The following ITK variants were observed in gnomAD, a reference collection of about 807,000 sequenced individuals.
ITK encodes IL2 inducible T cell kinase.
Under a neutral mutation model 87.6 loss-of-function variants are expected in ITK, and 45 were observed. That is an observed-to-expected ratio of 0.51 (90% CI 0.40 to 0.66). ITK has a LOEUF of 0.66. Among genes scored for constraint, ITK ranks in the 30% least tolerant of loss-of-function variants. ITK has a pLI of 0.00. For synonymous variants in ITK, 303 were observed against 273.6 expected (o/e 1.11, Z -1.06); for missense variants, 605 against 766.3 (o/e 0.79, Z 2.48).
chr5:157,201,252 A>G (rs1339572726), intron 1 of ITK, among the ~76,000 whole-genome samples: 1 of 151,894 alleles, frequency 6.6e-6, no homozygotes, highest in African/African-American at 2.4e-5. Context: ...TAATGGTGAA[A>G]GACTGAGTGC....
At chr5:157,195,783 C>T (rs1753843569) in intron 1 of ITK, 1 of 152,192 alleles carries the variant, frequency 6.6e-6, no homozygotes, top group African/African-American at 2.4e-5. Flanking sequence ...GATTGATCCA[C>T]ACTGATACAC....
At chr5:157,211,441 T>C in intron 3 of ITK, 73 bp downstream of exon 3, 1 of 1,249,952 alleles carries the variant, frequency 8.0e-7, no homozygotes, top group Non-Finnish European at 1.2e-6. Context: ...CACAATAGAA[T>C]AGAGTGTGGT....
intron 1 of ITK, among the ~76,000 whole-genome samples, chr5:157,187,973 A>G (rs1428292184): frequency 1.3e-5 from 2 of 151,928 alleles, no homozygotes; most frequent in South Asian, 4.2e-4. Context: ...CTATTTAAAA[A>G]AAAAATTTAT....
At chr5:157,222,767 A>C in intron 5 of ITK, 96 bp from the exon 6 acceptor site, 1 of 1,181,114 alleles carries the variant, frequency 8.5e-7, no homozygotes, top group East Asian at 2.3e-5. Flanking sequence ...AGTCTACCAG[A>C]GGAAGGCAGA....
chr5:157,233,963 A>ATTTTTT (rs869230073), intron 8 of ITK, among the ~76,000 whole-genome samples: 1 of 22,294 alleles, frequency 4.5e-5, no homozygotes, highest in Non-Finnish European at 8.0e-5. Context: ...ATATATATAT[A>ATTTTTT]TTTTTTTTTT....
chr5:157,241,157 T>C, intron 10 of ITK: 1 of 155,986 alleles, frequency 6.4e-6, no homozygotes, highest in Non-Finnish European at 1.4e-5. Context: ...AGGCTGGTCT[T>C]GAACTCCTGA....
chr5:157,187,314 C>T (rs73814023), intron 1 of ITK, among the ~76,000 whole-genome samples: 1 of 152,216 alleles, frequency 6.6e-6, no homozygotes, highest in African/African-American at 2.4e-5. Flanking sequence ...ATAAAGATGG[C>T]CTTGCCAGTG....
At chr5:157,215,200 G>T (rs901434618) in intron 4 of ITK, among the ~76,000 whole-genome samples, 1 of 152,142 alleles carries the variant, frequency 6.6e-6, no homozygotes, top group African/African-American at 2.4e-5. Context: ...ATCCATTGTC[G>T]AATAGGAATA....
chr5:157,207,377 C>CT (rs536290068), intron 1 of ITK, among the ~76,000 whole-genome samples: 1,493 of 59,054 alleles, frequency 0.025, 375 homozygotes, highest in East Asian at 0.11. Context: ...AGATACGTCT[C>CT]TTTTTTTTTT....
At chr5:157,245,682 C>G in intron 13 of ITK, 44 bp from the exon 14 acceptor site, 1 of 1,527,076 alleles carries the variant, frequency 6.5e-7, no homozygotes, top group Admixed American at 1.7e-5. Context: ...GATGACTCAT[C>G]AACAGTTTTC....
chr5:157,249,516 G>A (rs540030432), intron 16 of ITK, among the ~76,000 whole-genome samples: 44 of 152,324 alleles, frequency 2.9e-4, no homozygotes, highest in African/African-American at 1.0e-3. Context: ...CATGGCTTGA[G>A]CCCCATCACT....
chr5:157,204,273 G>A (rs1395424352), intron 1 of ITK, among the ~76,000 whole-genome samples: 1 of 152,162 alleles, frequency 6.6e-6, no homozygotes, highest in Non-Finnish European at 1.5e-5. Context: ...TCAAAGATCT[G>A]GGATTGGCTG....
At chr5:157,250,385 G>A (rs1755117141) in intron 16 of ITK, among the ~76,000 whole-genome samples, 1 of 151,766 alleles carries the variant, frequency 6.6e-6, no homozygotes, top group Non-Finnish European at 1.5e-5. Context: ...GTCTTTTCGT[G>A]GCTTAATAGC....
Position 157,245,713 on chromosome 5 carries a change from G to C in ITK, c.1450-13G>C. The C allele has an allele frequency of 6.2e-7, 1 of 1,613,404 alleles. No homozygotes were observed. Among genetic ancestry groups the C allele is most frequent in the Non-Finnish European group, 8.5e-7 (1 of 1,179,332 alleles). On this transcript the variant is annotated splice_polypyrimidine_tract_variant and intron_variant, in intron 13 of 16. Transcript: ENST00000422843. ...TTTTCCTCTCCGCCTTTGTTTGCCT[G>C]TCTCCTCTCCAGGCTGCCAGAAATT... is the stretch of plus-strand genomic sequence containing the variant.
chr5:157,186,954 C>G (rs766474205), intron 1 of ITK, among the ~76,000 whole-genome samples: 2 of 152,208 alleles, frequency 1.3e-5, no homozygotes, highest in South Asian at 2.1e-4. Flanking sequence ...GTCCCTACAG[C>G]GGCTCTCCCC....
chr5:157,205,818 T>C (rs1754068027), intron 1 of ITK, among the ~76,000 whole-genome samples: 1 of 152,188 alleles, frequency 6.6e-6, no homozygotes, highest in Non-Finnish European at 1.5e-5. Flanking sequence ...CATGAAGCAA[T>C]GTTGAATTTT....
chr5:157,248,769 T>TG, intron 15 of ITK, 81 bp from the exon 16 acceptor site: 2 of 1,500,710 alleles, frequency 1.3e-6, no homozygotes, highest in Non-Finnish European at 9.3e-7. Context: ...GCAAGGAGTC[T>TG]GTAATTTCTA....
chr5:157,211,042 C>T (rs1754181020), intron 2 of ITK, among the ~76,000 whole-genome samples: 1 of 152,068 alleles, frequency 6.6e-6, no homozygotes, highest in Non-Finnish European at 1.5e-5. Context: ...CTTTCTCCTG[C>T]TGTCTTAGTT....
intron 1 of ITK, among the ~76,000 whole-genome samples, chr5:157,192,376 G>T (rs1753769303): frequency 2.0e-5 from 3 of 152,282 alleles, no homozygotes; most frequent in South Asian, 2.1e-4. Flanking sequence ...ATACAAGAAG[G>T]TGTCACAGGA....
Sources: gnomAD v4.1 joint callset for allele counts (sites outside exome capture counted in the v4.1 genomes callset) on GRCh38, gnomAD v4.1.1 for gene constraint, MANE v1.5 for transcripts, NCBI Gene and HGNC (gene_info 2026-07-23, HGNC 2026-07-21) for gene names.